The following FOXP2 variants were observed in gnomAD, a reference collection of about 807,000 sequenced individuals.
The protein encoded by FOXP2 is forkhead box protein P2.
FOXP2 carries 12 observed loss-of-function variants against 115.8 expected under a neutral mutation model. That is an observed-to-expected ratio of 0.10 (90% CI 0.07 to 0.17). The LOEUF is 0.17. FOXP2 is among the 10% of genes least tolerant of loss of function. FOXP2 has a pLI of 1.00. For missense variants in FOXP2, 629 were observed against 843.5 expected, an observed-to-expected ratio of 0.75 and a Z score of 3.15; for synonymous variants, 328 against 297.7, an observed-to-expected ratio of 1.10 and a Z score of -1.05.
At chr7:114,657,272 T>C (rs1806639882) in intron 10 of FOXP2, among the ~76,000 whole-genome samples, 1 of 152,168 alleles carries the variant, frequency 6.6e-6, no homozygotes, top group Non-Finnish European at 1.5e-5. Context: ...GCATACATTC[T>C]CACCTTTTTT....
intron 3 of FOXP2, among the ~76,000 whole-genome samples, chr7:114,577,524 A>C (rs1801636715): frequency 1.3e-5 from 2 of 152,002 alleles, no homozygotes; most frequent in African/African-American, 4.8e-5. Context: ...AGAATTCAAA[A>C]TTGAACTTTT....
intron 2 of FOXP2, among the ~76,000 whole-genome samples, chr7:114,332,529 T>C (rs192732948): frequency 3.9e-4 from 60 of 152,306 alleles, no homozygotes; most frequent in African/African-American, 1.4e-3. Flanking sequence ...TCTGAGCATA[T>C]TGAAGGGTGA....
intron 2 of FOXP2, among the ~76,000 whole-genome samples, chr7:114,490,507 A>C (rs1265117446): frequency 6.6e-6 from 1 of 151,820 alleles, no homozygotes; most frequent in Admixed American, 6.6e-5. Flanking sequence ...GCATGTCATT[A>C]CACTTTTTTT....
chr7:114,620,776 G>T (rs995413680), intron 3 of FOXP2, among the ~76,000 whole-genome samples: 8 of 151,994 alleles, frequency 5.3e-5, no homozygotes, highest in African/African-American at 1.7e-4. Context: ...CATAGAATAT[G>T]TTGGGTTTAA....
At chr7:114,431,542 C>T (rs536995095) in intron 2 of FOXP2, among the ~76,000 whole-genome samples, 106 of 151,848 alleles carry the variant, frequency 7.0e-4, no homozygotes, top group Non-Finnish European at 1.1e-3. Context: ...TAGATAGTAA[C>T]GGCTGGAATT....
At chr7:114,338,929 T>G (rs1791126809) in intron 2 of FOXP2, among the ~76,000 whole-genome samples, 1 of 151,134 alleles carries the variant, frequency 6.6e-6, no homozygotes, top group African/African-American at 2.4e-5. Context: ...GCTCTGGAGA[T>G]TAAAACTACC....
intron 2 of FOXP2, among the ~76,000 whole-genome samples, chr7:114,349,635 T>C (rs1791431743): frequency 6.6e-6 from 1 of 151,118 alleles, no homozygotes; most frequent in Non-Finnish European, 1.5e-5. Context: ...TTTGATTGCT[T>C]CATTTACTTC....
intron 2 of FOXP2, among the ~76,000 whole-genome samples, chr7:114,353,726 C>T (rs1050124808): frequency 7.2e-5 from 11 of 152,068 alleles, no homozygotes; most frequent in Admixed American, 1.3e-4. Context: ...TTCTACTCCT[C>T]CTCTCTACTG....
At chr7:114,434,417 G>C (rs1794246770) in intron 2 of FOXP2, among the ~76,000 whole-genome samples, 1 of 111,600 alleles carries the variant, frequency 9.0e-6, no homozygotes, top group Admixed American at 1.0e-4. Context: ...GTATATTTCT[G>C]ACCTCACGGT....
chr7:114,304,929 T>C (rs909430074), intron 2 of FOXP2, among the ~76,000 whole-genome samples: 21 of 152,098 alleles, frequency 1.4e-4, no homozygotes, highest in African/African-American at 5.1e-4. Flanking sequence ...TGAAAAGACA[T>C]TAACTATACA....
intron 1 of FOXP2, among the ~76,000 whole-genome samples, chr7:114,243,924 T>TTTTG (rs1047661974): frequency 6.6e-6 from 1 of 151,958 alleles, no homozygotes; most frequent in African/African-American, 2.4e-5. Context: ...TTGTTTTTTT[T>TTTTG]TTTTGTTTTG....
At chr7:114,689,658 C>T in intron 16 of FOXP2, 124 bp from the exon 17 acceptor site, 1 of 912,692 alleles carries the variant, frequency 1.1e-6, no homozygotes, top group Non-Finnish European at 1.7e-6. Context: ...AATCAGATGC[C>T]CTTTTAAGAA....
At chr7:114,453,477 CA>C (rs1343935636) in intron 2 of FOXP2, among the ~76,000 whole-genome samples, 4 of 151,870 alleles carry the variant, frequency 2.6e-5, no homozygotes, top group Non-Finnish European at 5.9e-5. Flanking sequence ...TCTCCAAAAG[CA>C]AAATGATATA....
chr7:114,363,227 C>T (rs1383542892), intron 2 of FOXP2, among the ~76,000 whole-genome samples: 1 of 152,004 alleles, frequency 6.6e-6, no homozygotes, highest in Non-Finnish European at 1.5e-5. Flanking sequence ...AGACATGATC[C>T]TGCTTTAGAA....
intron 2 of FOXP2, among the ~76,000 whole-genome samples, chr7:114,445,402 C>G (rs1188049034): frequency 1.3e-5 from 2 of 152,134 alleles, no homozygotes; most frequent in Non-Finnish European, 2.9e-5. Flanking sequence ...TGGCCCTCAA[C>G]AGTATGTAAC....
At chr7:114,103,130 A>G (rs1427535046) in intron 1 of FOXP2, among the ~76,000 whole-genome samples, 4 of 152,216 alleles carry the variant, frequency 2.6e-5, no homozygotes, top group East Asian at 3.9e-4. Flanking sequence ...CAGACAGGTA[A>G]CAGAGTCATG....
rs1442199002 is a variant in FOXP2 at position 114,498,821 on chromosome 7, A to T, written c.169-35796A>T. 4 of 717,180 alleles carry T rather than the reference A, an allele frequency of 5.6e-6. No individual in the cohort carries two copies. The African/African-American group carries it at 7.0e-5, about 13-fold the overall frequency. The allele number at this position is 717,180 out of a possible 1,614,324, so 44.4% of individuals were successfully genotyped here. On this transcript the variant is annotated intron_variant, in intron 2 of 16. Transcript: ENST00000350908. ...TGGGGGTATATGTCAGGATGATTTC[A>T]TGTTGGGTGGTTGGCTTTGTTTCAT...
chr7:114,477,517 G>A (rs1395632404), intron 2 of FOXP2, among the ~76,000 whole-genome samples: 2 of 151,806 alleles, frequency 1.3e-5, no homozygotes, highest in Admixed American at 6.6e-5. Flanking sequence ...AAGTGGGTGT[G>A]GGTTGAAAAA....
At chr7:114,410,207 G>T (rs1793130175), upstream of FOXP2, among the ~76,000 whole-genome samples, 1 of 151,994 alleles carries the variant, frequency 6.6e-6, no homozygotes, top group Non-Finnish European at 1.5e-5. Flanking sequence ...TATATTCTAG[G>T]CAGGGTTAGA....
Sources: allele counts gnomAD v4.1 joint callset (sites outside exome capture counted in the v4.1 genomes callset), GRCh38; gene constraint gnomAD v4.1.1; transcripts MANE v1.5; gene names NCBI Gene and HGNC (gene_info 2026-07-23, HGNC 2026-07-21).